Variants in NALF1 observed in about 807,000 individuals in gnomAD.
The protein encoded by NALF1 is family with sequence similarity 155 member A.
In NALF1, 3 loss-of-function variants were observed where a neutral mutation model predicts 48.4. The ratio of observed to expected loss-of-function variants is 0.06; its 90% CI spans 0.03 to 0.16. The LOEUF (loss-of-function observed/expected upper bound fraction) is 0.16, where lower values mean the gene tolerates loss of function less well. Ranked by LOEUF, NALF1 falls within the 10% of genes least tolerant of loss-of-function variation. NALF1 has a pLI of 1.00. For missense variants in NALF1, 526 were observed against 571.5 expected, an observed-to-expected ratio of 0.92 and a Z score of 0.81; for synonymous variants, 262 against 245.7, an observed-to-expected ratio of 1.07 and a Z score of -0.62.
chr13:107,843,240 G>T (rs1038781096), intron 1 of NALF1, among the ~76,000 whole-genome samples: 1 of 152,194 alleles, frequency 6.6e-6, no homozygotes, highest in African/African-American at 2.4e-5. Flanking sequence ...ACAATGCCAA[G>T]AGGTAGATGC....
At chr13:107,219,192 C>T (rs1239686222) in intron 1 of NALF1, among the ~76,000 whole-genome samples, 6 of 152,062 alleles carry the variant, frequency 3.9e-5, no homozygotes, top group East Asian at 1.9e-4. Context: ...TATCTAGAGT[C>T]GGAATGGGCC....
Position 107,717,458 on chromosome 13 carries a change from C to A in NALF1, c.915+148224G>T, listed in dbSNP as rs181194947. ...AGATGATCCTGATGCACACTGAAGG[C>A]CAGCGAGCTGGAAAATCATTAAAAG... On this transcript the variant is annotated intron_variant, in intron 1 of 2. Coordinates refer to ENST00000375915, the MANE Select transcript of NALF1 (RefSeq NM_001080396.3). 8.1e-4 allele frequency among the ~76,000 whole-genome samples: 123 copies of A among 152,194 alleles called. 1 individual carries two copies. The East Asian group carries it at 0.019, about 23-fold the overall frequency.
At chr13:107,615,350 C>G (rs1052327278) in intron 1 of NALF1, among the ~76,000 whole-genome samples, 2 of 152,128 alleles carry the variant, frequency 1.3e-5, no homozygotes, top group African/African-American at 4.8e-5. Flanking sequence ...GTTGGCGGGT[C>G]TGCTCCCTTA....
chr13:107,703,086 G>A (rs1045553527), intron 1 of NALF1, among the ~76,000 whole-genome samples: 4 of 152,194 alleles, frequency 2.6e-5, no homozygotes, highest in African/African-American at 9.6e-5. Flanking sequence ...TGGGTCAAAT[G>A]GTATTTCTGC....
chr13:107,836,905 A>C (rs1879906728), intron 1 of NALF1, among the ~76,000 whole-genome samples: 2 of 152,220 alleles, frequency 1.3e-5, no homozygotes, highest in Admixed American at 1.3e-4. Context: ...AATGGGAGGC[A>C]GATAGGATGA....
chr13:107,473,289 GT>G (rs1392978371), intron 1 of NALF1, among the ~76,000 whole-genome samples: 4 of 152,084 alleles, frequency 2.6e-5, no homozygotes, highest in African/African-American at 9.7e-5. Flanking sequence ...TAACATTGGG[GT>G]TTTGGACACA....
chr13:107,798,924 T>C (rs754040726), intron 1 of NALF1, among the ~76,000 whole-genome samples: 1 of 152,220 alleles, frequency 6.6e-6, no homozygotes, highest in Admixed American at 6.5e-5. Context: ...TGAGCACCTA[T>C]ATATGTCAGG....
intron 1 of NALF1, among the ~76,000 whole-genome samples, chr13:107,261,218 C>T (rs1262215163): frequency 6.6e-6 from 1 of 152,162 alleles, no homozygotes; most frequent in African/African-American, 2.4e-5. Flanking sequence ...AGGCAGGTGA[C>T]ATCAGGGTGG....
intron 2 of NALF1, among the ~76,000 whole-genome samples, chr13:107,179,569 T>C (rs1410538093): frequency 4.6e-5 from 7 of 151,948 alleles, no homozygotes; most frequent in Non-Finnish European, 1.0e-4. Flanking sequence ...GGGTACCCCA[T>C]TTACCCTGAT....
chr13:107,853,877 T>C (rs983580983), intron 1 of NALF1, among the ~76,000 whole-genome samples: 30 of 152,306 alleles, frequency 2.0e-4, no homozygotes, highest in Admixed American at 1.8e-3. Context: ...GCAGGTGAAA[T>C]AGCATAGAAA....
chr13:107,702,993 G>A (rs907539815), intron 1 of NALF1, among the ~76,000 whole-genome samples: 1 of 152,140 alleles, frequency 6.6e-6, no homozygotes, highest in Non-Finnish European at 1.5e-5. Flanking sequence ...TGTGAACAGT[G>A]CTGCGATGAA....
intron 1 of NALF1, among the ~76,000 whole-genome samples, chr13:107,600,306 C>T (rs1443294559): frequency 6.6e-6 from 1 of 152,034 alleles, no homozygotes; most frequent in African/African-American, 2.4e-5. Flanking sequence ...AAGAACAGGG[C>T]AATGTTAGCT....
chr13:107,554,075 G>C (rs1426676132), intron 1 of NALF1, among the ~76,000 whole-genome samples: 1 of 152,208 alleles, frequency 6.6e-6, no homozygotes, highest in Non-Finnish European at 1.5e-5. Flanking sequence ...AATCCTGTGA[G>C]CTCATGCAGC....
intron 1 of NALF1, among the ~76,000 whole-genome samples, chr13:107,829,916 C>T (rs1879661271): frequency 6.6e-6 from 1 of 152,146 alleles, no homozygotes; most frequent in Non-Finnish European, 1.5e-5. Flanking sequence ...TGCACAGTAT[C>T]ACTACGTTGA....
intron 1 of NALF1, among the ~76,000 whole-genome samples, chr13:107,482,010 GC>G: frequency 6.6e-6 from 1 of 152,010 alleles, no homozygotes. Flanking sequence ...ACTTGGCTAA[GC>G]CATGGTACCC....
chr13:107,309,919 C>T (rs765331220), intron 1 of NALF1, among the ~76,000 whole-genome samples: 1 of 151,996 alleles, frequency 6.6e-6, no homozygotes, highest in Non-Finnish European at 1.5e-5. Context: ...GTGAAGATTC[C>T]TCTTAAGCAG....
chr13:107,415,376 A>G (rs1289110710), intron 1 of NALF1, among the ~76,000 whole-genome samples: 1 of 151,496 alleles, frequency 6.6e-6, no homozygotes, highest in Non-Finnish European at 1.5e-5. Context: ...CCATAAGGAG[A>G]GAGTTTTTTT....
intron 1 of NALF1, among the ~76,000 whole-genome samples, chr13:107,736,480 C>T (rs1479715544): frequency 1.3e-5 from 2 of 152,132 alleles, no homozygotes; most frequent in African/African-American, 2.4e-5. Context: ...AAGCAGCACA[C>T]GTACTCATTC....
At chr13:107,778,443 G>A (rs980269925) in intron 1 of NALF1, among the ~76,000 whole-genome samples, 13 of 152,168 alleles carry the variant, frequency 8.5e-5, no homozygotes, top group African/African-American at 3.1e-4. Context: ...ATTCTTAAAG[G>A]GGGTATGATC....
Sources: allele counts gnomAD v4.1 joint callset (sites outside exome capture counted in the v4.1 genomes callset), GRCh38; gene constraint gnomAD v4.1.1; transcripts MANE v1.5; gene names NCBI Gene and HGNC (gene_info 2026-07-23, HGNC 2026-07-21).